The following SNX18 variants were observed in gnomAD, a reference collection of about 807,000 sequenced individuals.
SNX18 encodes the protein sorting nexin-18.
A neutral mutation model predicts 48.7 loss-of-function variants in SNX18; 35 were observed. That is an observed-to-expected ratio of 0.72 (90% confidence interval 0.55 to 0.95). SNX18 has a LOEUF of 0.95. SNX18 is among the 40% of genes least tolerant of loss of function. SNX18 has a pLI of 0.00. For synonymous variants in SNX18, 492 were observed against 384.7 expected, an observed-to-expected ratio of 1.28 and a Z score of -3.26; for missense variants, 824 against 871.0, an observed-to-expected ratio of 0.95 and a Z score of 0.68.
At chr5:54,587,533 A>G in the SNX18 span, among the ~76,000 whole-genome samples, 4 of 152,104 alleles carry the variant, frequency 2.6e-5, no homozygotes, top group Admixed American at 2.6e-4. Context: ...AAAAGCAAAA[A>G]ACTCCTTAAT....
At chr5:54,622,334 A>G in the SNX18 span, among the ~76,000 whole-genome samples, 1 of 152,114 alleles carries the variant, frequency 6.6e-6, no homozygotes, top group Non-Finnish European at 1.5e-5. Flanking sequence ...TCCCATCTCT[A>G]CAAAAAATAC....
intron 1 of SNX18, among the ~76,000 whole-genome samples, chr5:54,522,439 TTAAC>T (rs1300258745): frequency 2.6e-5 from 4 of 152,230 alleles, no homozygotes; most frequent in African/African-American, 9.6e-5. Flanking sequence ...TGGCTGCAGT[TTAAC>T]TATCAACCCC....
chr5:54,527,725 G>A (rs1232140719), intron 1 of SNX18, among the ~76,000 whole-genome samples: 1 of 152,170 alleles, frequency 6.6e-6, no homozygotes, highest in African/African-American at 2.4e-5. Context: ...TGTGGGTTAT[G>A]TTTTTATGTT....
chr5:54,622,034 C>A, the SNX18 span, among the ~76,000 whole-genome samples: 1 of 152,240 alleles, frequency 6.6e-6, no homozygotes, highest in Admixed American at 6.5e-5. Context: ...TGGGACGAAC[C>A]AGAGCATTCT....
chr5:54,549,241 T>C (rs112137713), downstream of SNX18, among the ~76,000 whole-genome samples: 1,999 of 152,296 alleles, frequency 0.013, 31 homozygotes, highest in Non-Finnish European at 0.021. Context: ...TCTGTGGTTA[T>C]GTGAGAAAGG....
the SNX18 span, among the ~76,000 whole-genome samples, chr5:54,625,372 A>G: frequency 6.6e-6 from 1 of 152,164 alleles, no homozygotes; most frequent in African/African-American, 2.4e-5. Context: ...ACTCAACTAG[A>G]GGCAGGCAGA....
intron 1 of SNX18, among the ~76,000 whole-genome samples, chr5:54,524,552 C>G (rs1762093890): frequency 6.6e-6 from 1 of 152,166 alleles, no homozygotes; most frequent in East Asian, 1.9e-4. Flanking sequence ...TAATATGTTC[C>G]TTCTCTTTGG....
the SNX18 span, among the ~76,000 whole-genome samples, chr5:54,625,061 G>T: frequency 2.0e-5 from 3 of 152,126 alleles, no homozygotes; most frequent in African/African-American, 7.2e-5. Context: ...TCAGTTAAAA[G>T]AGCTTAAGTG....
chr5:54,636,908 T>C, the SNX18 span, among the ~76,000 whole-genome samples: 5 of 152,246 alleles, frequency 3.3e-5, no homozygotes, highest in African/African-American at 1.2e-4. Flanking sequence ...CCAGTTTGCC[T>C]GTATTCTTTC....
the SNX18 span, among the ~76,000 whole-genome samples, chr5:54,565,484 G>A: frequency 8.6e-5 from 13 of 151,984 alleles, no homozygotes; most frequent in Non-Finnish European, 1.8e-4. Flanking sequence ...GAGGTGGGAG[G>A]ACCACTTAAA....
At chr5:54,554,933 T>C in the SNX18 span, among the ~76,000 whole-genome samples, 27 of 152,264 alleles carry the variant, frequency 1.8e-4, no homozygotes, top group African/African-American at 6.5e-4. Context: ...TATGATTCAT[T>C]TATCGTCAAG....
At chr5:54,619,926 C>A in the SNX18 span, among the ~76,000 whole-genome samples, 1 of 152,076 alleles carries the variant, frequency 6.6e-6, no homozygotes, top group Non-Finnish European at 1.5e-5. Context: ...TCATCTGGGG[C>A]CCAGTAAATC....
At chr5:54,539,520 G>T (rs776067936) in intron 1 of SNX18, among the ~76,000 whole-genome samples, 1 of 152,124 alleles carries the variant, frequency 6.6e-6, no homozygotes, top group South Asian at 2.1e-4. Context: ...AGCATTTTCC[G>T]TTGTCACATT....
the SNX18 span, among the ~76,000 whole-genome samples, chr5:54,589,876 G>C: frequency 6.6e-6 from 1 of 152,182 alleles, no homozygotes. Context: ...AACTAAGCTG[G>C]AATGCAGTGG....
In SNX18 at chr5:54,518,645, C is replaced by A. The variant is rs755181884; in HGVS notation, c.693C>A (p.Arg231=). Residue 231 remains arginine, a synonymous_variant, in exon 1 of 2, where the codon CGC becomes CGA. Coordinates refer to ENST00000381410, the MANE Select transcript of SNX18 (RefSeq NM_001102575.2). Reference sequence around the variant, plus strand: ...CCACCGTGAGCCGCAACCTCAATCGCTTCTCCACCTTCGTCAAGTCCGGCG... The same window carrying A: ...CCACCGTGAGCCGCAACCTCAATCGATTCTCCACCTTCGTCAAGTCCGGCG... ...SSATVSRNLN[R]FSTFVKSGGE... is the part of the protein sequence containing the mutation. The A allele has an allele frequency of 1.5e-5, 24 of 1,558,158 alleles. No individual in the cohort carries two copies. In the South Asian group the frequency reaches 2.8e-4, roughly 18 times the overall value.
the SNX18 span, among the ~76,000 whole-genome samples, chr5:54,632,808 T>TGGAGTACAGCTGGCGAAACCAGG: frequency 6.6e-6 from 1 of 152,126 alleles, no homozygotes; most frequent in Non-Finnish European, 1.5e-5. Context: ...GGAGTCTTGC[T>TGGAGTACAGCTGGCGAAACCAGG]CTGTCGCCAG....
the SNX18 span, among the ~76,000 whole-genome samples, chr5:54,627,529 A>G: frequency 2.7e-4 from 41 of 152,298 alleles, no homozygotes; most frequent in African/African-American, 9.9e-4. Context: ...TTTGTTATAA[A>G]AGATTCTCCA....
At chr5:54,581,802 C>G in the SNX18 span, among the ~76,000 whole-genome samples, 2 of 152,154 alleles carry the variant, frequency 1.3e-5, no homozygotes, top group African/African-American at 4.8e-5. Context: ...TTTATTGAAC[C>G]TAATCTCTGT....
the SNX18 span, among the ~76,000 whole-genome samples, chr5:54,612,991 T>C: frequency 1.3e-5 from 2 of 152,240 alleles, no homozygotes; most frequent in East Asian, 3.9e-4. Flanking sequence ...AGCTGTCATC[T>C]TGTGTGTTAA....
Sources: allele counts gnomAD v4.1 joint callset (sites outside exome capture counted in the v4.1 genomes callset), GRCh38; gene constraint gnomAD v4.1.1; transcripts MANE v1.5; gene names NCBI Gene and HGNC (gene_info 2026-07-23, HGNC 2026-07-21).